Variants in NUDT18 observed in about 807,000 individuals in gnomAD.
The protein encoded by NUDT18 is nudix hydrolase 18, also known as 8-oxo-dGDP phosphatase NUDT18.
NUDT18 carries 26 observed loss-of-function variants against 27.6 expected under a neutral mutation model. The observed-to-expected ratio is 0.94, with a 90% CI of 0.69 to 1.31. The LOEUF is 1.31. Ranked by LOEUF, NUDT18 falls within the 50% of genes most tolerant of loss-of-function variation. The pLI, the probability that NUDT18 is intolerant of heterozygous loss-of-function variation, is 0.00. For missense variants in NUDT18, 450 were observed against 433.4 expected (o/e 1.04, Z -0.34); for synonymous variants, 220 against 196.9 (o/e 1.12, Z -0.98).
intron 2 of NUDT18, 94 bp from the exon 3 acceptor site, chr8:22,107,989 G>T: frequency 7.4e-7 from 1 of 1,358,122 alleles, no homozygotes; most frequent in Non-Finnish European, 9.8e-7. Flanking sequence ...CCAGGAGAGA[G>T]GCCCCCAGCC....
intron 1 of NUDT18, 92 bp from the exon 2 acceptor site, chr8:22,108,438 T>G: frequency 3.4e-6 from 4 of 1,159,740 alleles, no homozygotes; most frequent in Non-Finnish European, 4.9e-6. Context: ...AAGACTCCCC[T>G]CTGGGTGGAC....
Position 22,109,160 on chromosome 8 carries a change from CAG to C in NUDT18, c.139_140del (p.Leu47GlyfsTer9). On this transcript the variant is annotated frameshift_variant, in exon 1 of 3. Coordinates refer to ENST00000611621, the MANE Select transcript of NUDT18 (RefSeq NM_024815.4). LOFTEE classifies it high-confidence loss of function. ...TCACCTGCTCGCTGAGGAACACGGC[CAG>C]CACCACGTAGCACACGTTCTTCCGC... is the stretch of plus-strand genomic sequence containing the variant. The part of the protein sequence containing the change: ...RLRKNVCYVV[L>X]AVFLSEQDEV... The C allele has an allele frequency of 6.9e-7, 1 of 1,453,374 alleles. No homozygotes were observed. Among genetic ancestry groups the C allele is most frequent in the Non-Finnish European group, 9.0e-7 (1 of 1,114,234 alleles). The allele number at this position is 1,453,374 out of a possible 1,614,324, so 90.0% of individuals were successfully genotyped here.
rs1312589812 is a variant in NUDT18 at position 22,107,156 on chromosome 8, A to G, written c.*144T>C. The G allele has an allele frequency of 3.2e-6, 2 of 630,004 alleles. No individual in the cohort carries two copies. The highest frequency in any genetic ancestry group is 5.5e-6 in the Non-Finnish European group (2 of 360,792). 39.0% of individuals were successfully genotyped at this position (630,004 alleles called of 1,614,324 possible). A position where few individuals can be genotyped will look rare whatever the true frequency, so the allele number is the denominator to read the frequency against. ...AATCTAGAGGAATGCTCCTCAAAGC[A>G]TCTCTCCTGGGGACCAGGAGAGCCG... On this transcript the variant is annotated 3_prime_UTR_variant, in exon 3 of 3. Coordinates refer to ENST00000611621, the MANE Select transcript of NUDT18 (RefSeq NM_024815.4).
Position 22,107,648 on chromosome 8 carries a change from TG to T in NUDT18, c.623del (p.Thr208LysfsTer23), listed in dbSNP as rs1340730626. On this transcript the variant is annotated frameshift_variant, in exon 3 of 3. Coordinates refer to ENST00000611621, the MANE Select transcript of NUDT18 (RefSeq NM_024815.4). LOFTEE classifies it high-confidence loss of function. ...SAQTVWVLVGTVGMPHLPVTA... is the reference protein window; with the variant it reads ...SAQTVWVLVGXVGMPHLPVTA... The stretch of plus-strand genomic sequence containing the variant: ...TGACAGGCAAGTGAGGCATCCCCAC[TG>T]TGCCCACTAACACCCACACTGTCTG... 6.2e-7 allele frequency: 1 copy of T among 1,612,990 alleles called. No individual in the cohort carries two copies. The highest frequency in any genetic ancestry group is 1.7e-5 in the Admixed American group (1 of 59,996).
chr8:22,107,771 G>A lies in NUDT18; in HGVS notation c.501C>T (p.Ala167=), dbSNP rs1289987787. Residue 167 remains alanine (A), a synonymous_variant, in exon 3 of 3, where the codon GCC becomes GCT. Coordinates refer to ENST00000611621, the MANE Select transcript of NUDT18 (RefSeq NM_024815.4). ...GGTGCCTGGCTTGCTGGCGATACTGGGCGGCTAGTTCAACCAGGTGCAGGA... is the reference window on the plus strand; with the variant it reads ...GGTGCCTGGCTTGCTGGCGATACTGAGCGGCTAGTTCAACCAGGTGCAGGA... ...HDILHLVELA[A]QYRQQARHPL... 1 of 1,613,586 alleles carries A rather than the reference G, an allele frequency of 6.2e-7. No homozygotes were observed. The highest frequency in any genetic ancestry group is 8.5e-7 in the Non-Finnish European group (1 of 1,179,874).
rs780094660 is a variant in NUDT18 at position 22,107,327 on chromosome 8, TCCCTGAAGC to T, written c.936_944del (p.Leu313_Gly315del). The stretch of plus-strand genomic sequence containing the variant: ...ATCTGTTCACTGGGACAACAGAGGA[TCCCTGAAGC>T]CGCTGGAGGAGCTGGCTTTGCAGGT... On this transcript the variant is annotated inframe_deletion, in exon 3 of 3. Coordinates refer to ENST00000611621, the MANE Select transcript of NUDT18 (RefSeq NM_024815.4). The T allele has an allele frequency of 8.7e-6, 14 of 1,609,690 alleles. No individual in the cohort carries two copies. In the South Asian group the frequency reaches 1.5e-4, roughly 18 times the overall value.
Position 22,107,133 on chromosome 8 carries a change from TC to T in NUDT18, c.*166del. 1.6e-6 allele frequency: 1 copy of T among 608,738 alleles called. No homozygotes were observed. The highest frequency in any genetic ancestry group is 2.9e-6 in the Non-Finnish European group (1 of 345,480). 37.7% of individuals were successfully genotyped at this position (608,738 alleles called of 1,614,324 possible). On this transcript the variant is annotated 3_prime_UTR_variant, in exon 3 of 3. Transcript: ENST00000611621. The stretch of plus-strand genomic sequence containing the variant: ...GTTAAAGGCACTGTCCCTTGTGCAA[TC>T]TAGAGGAATGCTCCTCAAAGCATCT...
intron 1 of NUDT18, 77 bp from the exon 2 acceptor site, chr8:22,108,423 C>T: frequency 4.6e-6 from 6 of 1,293,810 alleles, no homozygotes; most frequent in Non-Finnish European, 5.4e-6. Context: ...CAAACACAGT[C>T]GCCCAAGACT....
Position 22,107,371 on chromosome 8 carries a change from T to G in NUDT18, c.901A>C (p.Met301Leu). 1 of 1,613,566 alleles carries G rather than the reference T, an allele frequency of 6.2e-7. No homozygotes were observed. The highest frequency in any genetic ancestry group is 2.2e-5 in the East Asian group (1 of 44,868). Residue 301 changes from methionine (M) to leucine (L), a missense_variant, in exon 3 of 3, where the codon ATG becomes CTG. Physicochemically the swap from Met to Leu is conservative, Grantham distance 15 (BLOSUM62 2). Transcript: ENST00000611621. ...AGCTGGCTTTGCAGGTCTTCCTCCA[T>G]CACCTTCCACCAAGAGAAGTTCTCA... The part of the protein sequence containing the change: ...RGENFSWWKV[M>L]EEDLQSQLLQ...
At chr8:22,109,703 C>T (rs1336795656), upstream of NUDT18, 1 of 461,748 alleles carries the variant, frequency 2.2e-6, no homozygotes, top group Non-Finnish European at 4.3e-6. Flanking sequence ...ACGGTGACGT[C>T]ATCTTTCCTG....
chr8:22,109,561 G>C (rs369167058), upstream of NUDT18: 146 of 517,124 alleles, frequency 2.8e-4, no homozygotes, highest in African/African-American at 2.6e-3. Flanking sequence ...CTGGAACTGG[G>C]GGGGCACGGG....
chr8:22,109,004 G>A, intron 1 of NUDT18, 135 bp downstream of exon 1: 1 of 552,634 alleles, frequency 1.8e-6, no homozygotes, highest in Non-Finnish European at 2.9e-6. Flanking sequence ...AGATGCGAGT[G>A]GGAGTGGGAG....
intron 1 of NUDT18, 103 bp downstream of exon 1, chr8:22,109,036 G>T: frequency 1.1e-6 from 1 of 905,668 alleles, no homozygotes; most frequent in Non-Finnish European, 1.5e-6. Flanking sequence ...ACTGGGAAGC[G>T]CCACGCACGC....
rs1554578860 is a variant in NUDT18, at chr8:22,107,769, T to C, written c.503A>G (p.Gln168Arg). The change falls in exon 3 of 3, where the codon CAG (glutamine) becomes CGG (arginine). Residue 168 changes from glutamine to arginine, a missense_variant. By Grantham distance (43) the Gln-to-Arg change is conservative. Coordinates refer to ENST00000611621, the MANE Select transcript of NUDT18 (RefSeq NM_024815.4). ...DILHLVELAA[Q>R]YRQQARHPLI... ...AGGGTGCCTGGCTTGCTGGCGATAC[T>C]GGGCGGCTAGTTCAACCAGGTGCAG... 1.2e-6 allele frequency: 2 copies of C among 1,613,554 alleles called. No homozygotes were observed. Among genetic ancestry groups the C allele is most frequent in the Non-Finnish European group, 8.5e-7 (1 of 1,179,868 alleles).
chr8:22,107,291 C>A lies in NUDT18; in HGVS notation c.*9G>T. ...GGCTGCCTAGCTCCCTGTCACCTCC[C>A]CCACCTCTCTATCTGTTCACTGGGA... On this transcript the variant is annotated 3_prime_UTR_variant, in exon 3 of 3. Transcript: ENST00000611621. 1.3e-6 allele frequency: 2 copies of A among 1,571,656 alleles called. No individual in the cohort carries two copies. Among genetic ancestry groups the A allele is most frequent in the Non-Finnish European group, 1.7e-6 (2 of 1,156,822 alleles).
Position 22,109,162 on chromosome 8 carries a change from G to GC in NUDT18, c.138dup (p.Leu47AlafsTer10). On this transcript the variant is annotated frameshift_variant, in exon 1 of 3. Transcript: ENST00000611621. LOFTEE classifies it high-confidence loss of function. ...ACCTGCTCGCTGAGGAACACGGCCA[G>GC]CACCACGTAGCACACGTTCTTCCGC... The GC allele has an allele frequency of 6.9e-7, 1 of 1,452,004 alleles. No homozygotes were observed. The highest frequency in any genetic ancestry group is 9.0e-7 in the Non-Finnish European group (1 of 1,113,374). 89.9% of individuals were successfully genotyped at this position (1,452,004 alleles called of 1,614,324 possible).
chr8:22,107,753 G>C lies in NUDT18; in HGVS notation c.519C>G (p.Ala173=). ...CTTGGGGCAGAATGAGAGGGTGCCT[G>C]GCTTGCTGGCGATACTGGGCGGCTA... ...VELAAQYRQQ[A]RHPLILPQEL... Residue 173 remains alanine, a synonymous_variant, in exon 3 of 3, where the codon GCC becomes GCG. Transcript: ENST00000611621. 6.2e-7 allele frequency: 1 copy of C among 1,613,650 alleles called. No individual in the cohort carries two copies. Among genetic ancestry groups the C allele is most frequent in the Non-Finnish European group, 8.5e-7 (1 of 1,179,880 alleles).
In NUDT18 at chr8:22,109,349, C is replaced by T; in HGVS notation, c.-49G>A. 2.4e-6 allele frequency: 2 copies of T among 825,184 alleles called. No homozygotes were observed. The highest frequency in any genetic ancestry group is 3.1e-6 in the Non-Finnish European group (2 of 643,210). 51.1% of individuals were successfully genotyped at this position (825,184 alleles called of 1,614,324 possible). A position where few individuals can be genotyped will look rare whatever the true frequency, so the allele number is the denominator to read the frequency against. Reference sequence around the variant, plus strand: ...CCGGATCCTCGCAGACCGACTGAGCCGAGCCGCGGGCTAGAGTGCGCTGCG... The same window carrying T: ...CCGGATCCTCGCAGACCGACTGAGCTGAGCCGCGGGCTAGAGTGCGCTGCG... On this transcript the variant is annotated 5_prime_UTR_variant, in exon 1 of 3. Coordinates refer to ENST00000611621, the MANE Select transcript of NUDT18 (RefSeq NM_024815.4).
At position 22,109,369 on chromosome 8, in the gene NUDT18, G is replaced by GCTGCAGAGCCCGCTCCCAGTCC; in HGVS notation, c.-70_-69insGGACTGGGAGCGGGCTCTGCAG. On this transcript the variant is annotated 5_prime_UTR_variant, in exon 1 of 3. Transcript: ENST00000611621. ...TGAGCCGAGCCGCGGGCTAGAGTGC[G>GCTGCAGAGCCCGCTCCCAGTCC]CTGCGGAGCCCGCTCCCAGTCCCTG... 1.4e-6 allele frequency: 1 copy of GCTGCAGAGCCCGCTCCCAGTCC among 712,742 alleles called. No individual in the cohort carries two copies. Among genetic ancestry groups the GCTGCAGAGCCCGCTCCCAGTCC allele is most frequent in the Non-Finnish European group, 1.8e-6 (1 of 557,182 alleles). The allele number at this position is 712,742 out of a possible 1,614,324, so 44.2% of individuals were successfully genotyped here.
Sources: gnomAD v4.1 joint callset for allele counts on GRCh38, gnomAD v4.1.1 for gene constraint, MANE v1.5 for transcripts, NCBI Gene and HGNC (gene_info 2026-07-23, HGNC 2026-07-21) for gene names.